ECT2: variants seen among roughly 807,000 people sequenced by gnomAD.
ECT2 encodes epithelial cell transforming 2.
In ECT2, 61 loss-of-function variants were observed where a neutral mutation model predicts 116.9. The ratio of observed to expected loss-of-function variants is 0.52; its 90% confidence interval spans 0.42 to 0.65. The LOEUF is 0.65. ECT2 is among the 30% of genes least tolerant of loss of function. The probability of loss-of-function intolerance (pLI) is 0.00; values close to 1 mark genes in which losing one functional copy is unlikely to be tolerated. For missense variants in ECT2, 937 were observed against 1,078.7 expected (o/e 0.87, Z 1.84); for synonymous variants, 358 against 346.4 (o/e 1.03, Z -0.37).
rs1453733116 is a variant in ECT2 at position 172,762,809 on chromosome 3, A to G, written c.1005+3A>G. On this transcript the variant is annotated splice_donor_region_variant and intron_variant, in intron 10 of 24. Coordinates refer to ENST00000392692, the MANE Select transcript of ECT2 (RefSeq NM_001258315.2). ...AACTTTATGTTGTCAAGCAAGAGGC[A>G]AGTAATTCTAGAATGAGGTTGGTTT... is the stretch of plus-strand genomic sequence containing the variant. 4.3e-5 allele frequency: 70 copies of G among 1,611,244 alleles called. No homozygotes were observed. Among genetic ancestry groups the G allele is most frequent in the Non-Finnish European group, 5.5e-5 (65 of 1,178,904 alleles).
intron 18 of ECT2, among the ~76,000 whole-genome samples, chr3:172,787,058 T>C (rs1723728308): frequency 1.3e-5 from 2 of 152,130 alleles, no homozygotes; most frequent in Admixed American, 1.3e-4. Context: ...ATGAAATTGA[T>C]CTGGGGAGTT....
intron 22 of ECT2, among the ~76,000 whole-genome samples, chr3:172,811,537 G>A (rs1241281494): frequency 2.0e-5 from 3 of 152,090 alleles, no homozygotes; most frequent in Non-Finnish European, 4.4e-5. Flanking sequence ...TTCATTGAGA[G>A]AAAGCATGAA....
chr3:172,783,874 GA>G lies in ECT2; in HGVS notation c.1698del (p.Lys566AsnfsTer12). 6.2e-7 allele frequency: 1 copy of G among 1,603,662 alleles called. No homozygotes were observed. The highest frequency in any genetic ancestry group is 8.5e-7 in the Non-Finnish European group (1 of 1,175,274). On this transcript the variant is annotated frameshift_variant, in exon 16 of 25. Transcript: ENST00000392692. LOFTEE classifies it high-confidence loss of function. ...EMSKETIIKC[E>X]KQKPRFHAFL... ...GAGCAAGGAAACAATTATTAAATGT[GA>G]AAAACAGAAACCAAGATTTCATGCT...
At chr3:172,759,595 C>T (rs1360090716) in intron 6 of ECT2, among the ~76,000 whole-genome samples, 3 of 152,130 alleles carry the variant, frequency 2.0e-5, no homozygotes, top group Non-Finnish European at 4.4e-5. Flanking sequence ...GCGCCCGCCA[C>T]CACGCCTGGC....
In ECT2 at chr3:172,820,301, C is replaced by T; in HGVS notation, c.*64C>T. The T allele has an allele frequency of 8.6e-7, 1 of 1,162,488 alleles. No homozygotes were observed. The allele number at this position is 1,162,488 out of a possible 1,614,324, so 72.0% of individuals were successfully genotyped here. Reference sequence around the variant, plus strand: ...ACCTCATACTCAAATAAGAAACTGACTTAAATGGTACTTGTAATTAGCACT... The same window carrying T: ...ACCTCATACTCAAATAAGAAACTGATTTAAATGGTACTTGTAATTAGCACT... On this transcript the variant is annotated 3_prime_UTR_variant, in exon 25 of 25. Transcript: ENST00000392692.
At chr3:172,792,718 C>G (rs1724905388) in intron 18 of ECT2, among the ~76,000 whole-genome samples, 1 of 151,908 alleles carries the variant, frequency 6.6e-6, no homozygotes, top group South Asian at 2.1e-4. Flanking sequence ...GTAGGTTTTT[C>G]CTTTTTTTTT....
chr3:172,756,366 G>A (rs111954832), intron 4 of ECT2, among the ~76,000 whole-genome samples: 9 of 151,512 alleles, frequency 5.9e-5, no homozygotes, highest in African/African-American at 1.2e-4. Flanking sequence ...ATTATTTTTC[G>A]TGGATGTATA....
In ECT2 at chr3:172,820,293, G is replaced by C; in HGVS notation, c.*56G>C. On this transcript the variant is annotated 3_prime_UTR_variant, in exon 25 of 25. Coordinates refer to ENST00000392692, the MANE Select transcript of ECT2 (RefSeq NM_001258315.2). ...GTATAGACACCTCATACTCAAATAA[G>C]AAACTGACTTAAATGGTACTTGTAA... 1.3e-5 allele frequency: 17 copies of C among 1,274,220 alleles called. No homozygotes were observed. Among genetic ancestry groups the C allele is most frequent in the Non-Finnish European group, 1.8e-5 (17 of 919,206 alleles). The allele number at this position is 1,274,220 out of a possible 1,614,324, so 78.9% of individuals were successfully genotyped here.
intron 16 of ECT2, 91 bp from the exon 17 acceptor site, chr3:172,784,616 G>T: frequency 1.2e-6 from 1 of 867,822 alleles, no homozygotes; most frequent in South Asian, 1.4e-5. Flanking sequence ...TTGTATCACA[G>T]ACACTAATGA....
downstream of ECT2, among the ~76,000 whole-genome samples, chr3:172,822,658 C>T (rs1730737948): frequency 6.6e-6 from 1 of 151,784 alleles, no homozygotes; most frequent in Non-Finnish European, 1.5e-5. Flanking sequence ...AATAATAGAT[C>T]AATCAAAAAG....
At position 172,757,149 on chromosome 3, in the gene ECT2, G is replaced by T. The variant is rs771965145; in HGVS notation, c.470G>T (p.Cys157Phe). Residue 157 changes from cysteine to phenylalanine, a missense_variant, in exon 5 of 25, where the codon TGT becomes TTT. Coordinates refer to ENST00000392692, the MANE Select transcript of ECT2 (RefSeq NM_001258315.2). ...RVIGPPVVLN[C>F]SQKGEPLPFS... is the part of the protein sequence containing the mutation. Reference sequence around the variant, plus strand: ...ATTGGACCACCAGTTGTATTAAATTGTTCACAAAAAGGAGAGGTAAGCATA... The same window carrying T: ...ATTGGACCACCAGTTGTATTAAATTTTTCACAAAAAGGAGAGGTAAGCATA... The T allele has an allele frequency of 6.7e-7, 1 of 1,500,192 alleles. No individual in the cohort carries two copies. Among genetic ancestry groups the T allele is most frequent in the Non-Finnish European group, 8.9e-7 (1 of 1,129,372 alleles). 92.9% of individuals were successfully genotyped at this position (1,500,192 alleles called of 1,614,324 possible).
chr3:172,793,472 C>G (rs574940961), intron 18 of ECT2, among the ~76,000 whole-genome samples: 2 of 149,090 alleles, frequency 1.3e-5, no homozygotes, highest in African/African-American at 5.0e-5. Flanking sequence ...CTTTTTTATT[C>G]TTACTTTTTA....
intron 5 of ECT2, among the ~76,000 whole-genome samples, chr3:172,757,415 C>CT (rs34169147): frequency 0.48 from 57,481 of 120,382 alleles, 15,337 homozygotes; most frequent in East Asian, 0.67. Context: ...ATACATAGTC[C>CT]TTTTTTTTTT....
At chr3:172,803,420 T>C (rs1270377448) in intron 20 of ECT2, among the ~76,000 whole-genome samples, 1 of 152,206 alleles carries the variant, frequency 6.6e-6, no homozygotes, top group African/African-American at 2.4e-5. Flanking sequence ...CCTTGATTCT[T>C]CTTAAATCAG....
intron 14 of ECT2, among the ~76,000 whole-genome samples, chr3:172,779,116 T>C (rs941905473): frequency 2.6e-5 from 4 of 152,180 alleles, no homozygotes; most frequent in Non-Finnish European, 5.9e-5. Flanking sequence ...TAGGAATAAT[T>C]ACATTCCTTA....
chr3:172,789,407 T>A (rs1404945907), intron 18 of ECT2, among the ~76,000 whole-genome samples: 1 of 152,096 alleles, frequency 6.6e-6, no homozygotes, highest in Non-Finnish European at 1.5e-5. Flanking sequence ...TTTTGCCATG[T>A]AGCCCAGGCT....
the ECT2 span, among the ~76,000 whole-genome samples, chr3:172,828,266 G>C: frequency 6.6e-6 from 1 of 151,924 alleles, no homozygotes; most frequent in Non-Finnish European, 1.5e-5. Context: ...GGATGCCTCA[G>C]TGTTGAAAAA....
chr3:172,781,839 A>G (rs1283882138), intron 14 of ECT2, among the ~76,000 whole-genome samples: 1 of 152,210 alleles, frequency 6.6e-6, no homozygotes, highest in Non-Finnish European at 1.5e-5. Context: ...AGATTTCAGC[A>G]GCAGGATTGA....
At chr3:172,768,213 G>C (rs1719898346) in intron 12 of ECT2, among the ~76,000 whole-genome samples, 1 of 152,066 alleles carries the variant, frequency 6.6e-6, no homozygotes, top group Non-Finnish European at 1.5e-5. Flanking sequence ...TTTCGTTATT[G>C]TAATTGTGTA....
Sources: gnomAD v4.1 joint callset for allele counts (sites outside exome capture counted in the v4.1 genomes callset) on GRCh38, gnomAD v4.1.1 for gene constraint, MANE v1.5 for transcripts, NCBI Gene and HGNC (gene_info 2026-07-23, HGNC 2026-07-21) for gene names.